Variants in GRIA1 observed in about 807,000 individuals in gnomAD.
GRIA1 encodes glutamate ionotropic receptor AMPA type subunit 1.
A neutral mutation model predicts 99.2 loss-of-function variants in GRIA1; 31 were observed. That is an observed-to-expected ratio of 0.31 (90% CI 0.23 to 0.42). GRIA1 has a LOEUF of 0.42. GRIA1 is among the 10% of genes least tolerant of loss of function. GRIA1 has a pLI of 1.00. For missense variants in GRIA1, 782 were observed against 1,157.5 expected (o/e 0.68, Z 4.71); for synonymous variants, 438 against 432.4 (o/e 1.01, Z -0.16).
At chr5:153,509,522 A>G (rs1487557872) in intron 2 of GRIA1, among the ~76,000 whole-genome samples, 1 of 152,122 alleles carries the variant, frequency 6.6e-6, no homozygotes, top group Non-Finnish European at 1.5e-5. Context: ...TCTATTGTTA[A>G]GACTCTGAGG....
chr5:153,658,922 G>T (rs1412202999), intron 5 of GRIA1, among the ~76,000 whole-genome samples: 1 of 152,032 alleles, frequency 6.6e-6, no homozygotes, highest in African/African-American at 2.4e-5. Context: ...GAGGAGGGGA[G>T]GAGATTGTAG....
intron 2 of GRIA1, among the ~76,000 whole-genome samples, chr5:153,580,505 C>A (rs992077205): frequency 1.3e-5 from 2 of 152,296 alleles, no homozygotes; most frequent in Middle Eastern, 3.4e-3. Context: ...AAGTGTGAAC[C>A]TTGTAGCCTT....
intron 2 of GRIA1, among the ~76,000 whole-genome samples, chr5:153,571,608 T>G (rs1762127306): frequency 1.3e-5 from 2 of 152,190 alleles, no homozygotes; most frequent in Admixed American, 6.5e-5. Context: ...ACTTGGCCCA[T>G]GAGCCATAGT....
At chr5:153,545,612 T>C (rs1478425497) in intron 2 of GRIA1, among the ~76,000 whole-genome samples, 1 of 152,174 alleles carries the variant, frequency 6.6e-6, no homozygotes, top group Non-Finnish European at 1.5e-5. Context: ...GGGAGCTAAC[T>C]GCATGCTAAG....
intron 2 of GRIA1, among the ~76,000 whole-genome samples, chr5:153,571,421 A>C (rs1762107562): frequency 6.6e-6 from 1 of 152,216 alleles, no homozygotes. Context: ...TGTAGCTTGA[A>C]AGCAGCCAAA....
At chr5:153,732,824 A>G (rs1761134447) in intron 11 of GRIA1, among the ~76,000 whole-genome samples, 1 of 151,178 alleles carries the variant, frequency 6.6e-6, no homozygotes, top group African/African-American at 2.4e-5. Context: ...CTTTTGCTCT[A>G]TGTTTTCTTC....
intron 13 of GRIA1, among the ~76,000 whole-genome samples, chr5:153,778,150 CAAAG>C (rs1250348242): frequency 4.0e-5 from 6 of 149,334 alleles, no homozygotes; most frequent in Non-Finnish European, 7.4e-5. Flanking sequence ...GAGGGAGAGA[CAAAG>C]GAAGGAGGGA....
At chr5:153,550,959 T>C (rs1760080733) in intron 2 of GRIA1, among the ~76,000 whole-genome samples, 2 of 152,192 alleles carry the variant, frequency 1.3e-5, no homozygotes, top group Non-Finnish European at 2.9e-5. Flanking sequence ...TACATATGTA[T>C]ACAATGAATT....
intron 11 of GRIA1, among the ~76,000 whole-genome samples, chr5:153,723,391 G>A (rs7712550): frequency 0.51 from 77,761 of 151,676 alleles, 20,742 homozygotes; most frequent in East Asian, 0.94. Flanking sequence ...GACAGTGGGC[G>A]CAGGACAGTG....
intron 7 of GRIA1, among the ~76,000 whole-genome samples, chr5:153,680,447 G>C (rs892289843): frequency 6.6e-6 from 1 of 151,962 alleles, no homozygotes; most frequent in African/African-American, 2.4e-5. Flanking sequence ...GAGGTAATAG[G>C]CATTTGAGAA....
chr5:153,795,542 A>G (rs750583747), intron 14 of GRIA1: 21 of 1,613,226 alleles, frequency 1.3e-5, no homozygotes, highest in Middle Eastern at 3.3e-4. Context: ...TGAAAAGCAA[A>G]TGGTGGTACG....
At chr5:153,629,890 T>C (rs1055618437) in intron 2 of GRIA1, among the ~76,000 whole-genome samples, 1 of 152,214 alleles carries the variant, frequency 6.6e-6, no homozygotes, top group Non-Finnish European at 1.5e-5. Context: ...GTCTTGACTG[T>C]TGTTTTCCCC....
At chr5:153,490,518 A>C, upstream of GRIA1, 1 of 310,246 alleles carries the variant, frequency 3.2e-6, no homozygotes, top group Non-Finnish European at 6.1e-6. Context: ...CTCGGTGGGT[A>C]TTAGCATAGA....
intron 2 of GRIA1, among the ~76,000 whole-genome samples, chr5:153,595,183 T>TA (rs1422135253): frequency 6.6e-6 from 1 of 152,180 alleles, no homozygotes; most frequent in East Asian, 1.9e-4. Context: ...ATAGCAAAGA[T>TA]AAGCATGTAT....
chr5:153,753,202 T>C (rs1231957850), intron 11 of GRIA1, among the ~76,000 whole-genome samples: 1 of 152,250 alleles, frequency 6.6e-6, no homozygotes, highest in Non-Finnish European at 1.5e-5. Flanking sequence ...AACTGTGAGA[T>C]AATACATGAA....
chr5:153,770,162 T>TA lies in GRIA1; in HGVS notation c.2023-5dup, dbSNP rs1370402889. Reference sequence around the variant, plus strand: ...TTAATTCCAGCTTTGTTTCTGTCCCTACCAGAGGTCTAAAATTGCTGTGTT... The same window carrying TA: ...TTAATTCCAGCTTTGTTTCTGTCCCTAACCAGAGGTCTAAAATTGCTGTGTT... On this transcript the variant is annotated splice_polypyrimidine_tract_variant and splice_region_variant and intron_variant, in intron 12 of 15. Coordinates refer to ENST00000285900, the MANE Select transcript of GRIA1 (RefSeq NM_000827.4). The TA allele has an allele frequency of 6.2e-7, 1 of 1,613,682 alleles. No individual in the cohort carries two copies. The highest frequency in any genetic ancestry group is 1.7e-5 in the Admixed American group (1 of 60,010).
chr5:153,772,553 A>T (rs181190650), intron 13 of GRIA1, among the ~76,000 whole-genome samples: 1 of 152,214 alleles, frequency 6.6e-6, no homozygotes, highest in South Asian at 2.1e-4. Flanking sequence ...TTAAGTAATT[A>T]TCGGAAAATT....
At chr5:153,593,046 G>A (rs543261750) in intron 2 of GRIA1, among the ~76,000 whole-genome samples, 1 of 152,280 alleles carries the variant, frequency 6.6e-6, no homozygotes, top group South Asian at 2.1e-4. Flanking sequence ...TGGGTGGATT[G>A]CTCAAGGTCA....
At chr5:153,617,567 A>T (rs1766623355) in intron 2 of GRIA1, among the ~76,000 whole-genome samples, 2 of 152,134 alleles carry the variant, frequency 1.3e-5, no homozygotes, top group African/African-American at 4.8e-5. Flanking sequence ...GATCCTTGTG[A>T]CTGGGATTAG....
Sources: allele counts gnomAD v4.1 joint callset (sites outside exome capture counted in the v4.1 genomes callset), GRCh38; gene constraint gnomAD v4.1.1; transcripts MANE v1.5; gene names NCBI Gene and HGNC (gene_info 2026-07-23, HGNC 2026-07-21).